The following TTLL5 variants were observed in gnomAD, a reference collection of about 807,000 sequenced individuals.
TTLL5 encodes the protein tubulin tyrosine ligase like 5.
A neutral mutation model predicts 168.4 loss-of-function variants in TTLL5; 132 were observed. That is an observed-to-expected ratio of 0.78 (90% CI 0.68 to 0.91). TTLL5 has a LOEUF of 0.91. Among genes scored for constraint, TTLL5 ranks in the 40% least tolerant of loss-of-function variants. The pLI, the probability that TTLL5 is intolerant of heterozygous loss-of-function variation, is 0.00. For synonymous variants in TTLL5, 546 were observed against 558.6 expected (o/e 0.98, Z 0.32); for missense variants, 1,545 against 1,581.5 (o/e 0.98, Z 0.39).
intron 23 of TTLL5, among the ~76,000 whole-genome samples, chr14:75,777,336 G>A (rs1282850422): frequency 6.6e-6 from 1 of 152,192 alleles, no homozygotes; most frequent in African/African-American, 2.4e-5. Context: ...TACTCATGGA[G>A]TAGAAATGAC....
intron 6 of TTLL5, among the ~76,000 whole-genome samples, chr14:75,693,422 A>G (rs1885598900): frequency 6.6e-6 from 1 of 152,202 alleles, no homozygotes; most frequent in African/African-American, 2.4e-5. Flanking sequence ...TTTTGTTCTA[A>G]TAAGAGACAA....
chr14:75,737,571 A>C, intron 15 of TTLL5: 1 of 1,535,684 alleles, frequency 6.5e-7, no homozygotes, highest in Non-Finnish European at 8.7e-7. Flanking sequence ...TATAGCGTCC[A>C]GTATCTGCAC....
At chr14:75,828,013 G>A (rs1487660351) in intron 28 of TTLL5, among the ~76,000 whole-genome samples, 1 of 151,962 alleles carries the variant, frequency 6.6e-6, no homozygotes, top group Non-Finnish European at 1.5e-5. Context: ...CACTGTGCCC[G>A]ACCTGGCCTG....
chr14:75,730,132 G>A (rs1888439364), intron 12 of TTLL5, among the ~76,000 whole-genome samples: 1 of 152,124 alleles, frequency 6.6e-6, no homozygotes, highest in Non-Finnish European at 1.5e-5. Context: ...ACAATGAAGA[G>A]AATATTCTTT....
At chr14:75,672,370 C>T (rs1007501623) in intron 3 of TTLL5, among the ~76,000 whole-genome samples, 6 of 152,066 alleles carry the variant, frequency 3.9e-5, no homozygotes, top group Non-Finnish European at 7.4e-5. Context: ...CTCAGCCTCC[C>T]GAGTAGCTGG....
In TTLL5 at chr14:75,690,283, C is replaced by G. The variant is rs1266723091; in HGVS notation, c.463C>G (p.Gln155Glu). The G allele has an allele frequency of 1.2e-6, 2 of 1,610,836 alleles. No individual in the cohort carries two copies. The highest frequency in any genetic ancestry group is 2.2e-5 in the East Asian group (1 of 44,770). ...ATTCAAGGCTTTTCACATCCTCCCC[C>G]AGACCTTCCTCCTGCCAGCTGAGTA... ...HGFKAFHILP[Q>E]TFLLPAEYAE... Residue 155 changes from glutamine to glutamate, a missense_variant, in exon 6 of 32, where the codon CAG becomes GAG. Coordinates refer to ENST00000298832, the MANE Select transcript of TTLL5 (RefSeq NM_015072.5).
At chr14:75,814,395 T>C (rs1894256208) in intron 27 of TTLL5, 1 of 152,238 alleles carries the variant, frequency 6.6e-6, no homozygotes, top group African/African-American at 2.4e-5. Flanking sequence ...TTTGTTATGT[T>C]ATTTGGAGAA....
At chr14:75,919,049 A>G (rs900919561) in intron 31 of TTLL5, among the ~76,000 whole-genome samples, 2 of 151,670 alleles carry the variant, frequency 1.3e-5, no homozygotes, top group African/African-American at 4.8e-5. Flanking sequence ...AAAAATACAA[A>G]AATTAGCTGG....
At chr14:75,779,541 T>G (rs1387129995) in intron 23 of TTLL5, 34 bp from the exon 24 acceptor site, 2 of 1,599,868 alleles carry the variant, frequency 1.3e-6, no homozygotes, top group Admixed American at 1.8e-5. Flanking sequence ...CAGAATAGCT[T>G]CCTGTCTGAC....
rs188768259 is a variant in TTLL5, at chr14:75,934,532, T to C, written c.3824-19892T>C. ...GGTTTTCTGGGGGACGAAGAACATT[T>C]TAATGGACTAGATTGAAGAGAAAAG... On this transcript the variant is annotated intron_variant, in intron 31 of 31. Transcript: ENST00000298832. Among the ~76,000 whole-genome samples the C allele has an allele frequency of 4.1e-4, 63 of 152,296 alleles. 1 individual carries two copies. In the South Asian group the frequency reaches 9.5e-3, roughly 23 times the overall value.
At chr14:75,888,374 G>A (rs2032222724) in intron 30 of TTLL5, among the ~76,000 whole-genome samples, 1 of 152,096 alleles carries the variant, frequency 6.6e-6, no homozygotes, top group Non-Finnish European at 1.5e-5. Context: ...CTGCCTCCTG[G>A]GATGTTAAAA....
In TTLL5 at chr14:75,932,604, C is replaced by T. The variant is rs1239815410; in HGVS notation, c.3824-21820C>T. On this transcript the variant is annotated intron_variant, in intron 31 of 31. Transcript: ENST00000298832. ...AGGAAGAAAGATGCAAACAAATACA[C>T]AAGGTGAACTGCTGTGGTAGAAAAA... 2.6e-5 allele frequency among the ~76,000 whole-genome samples: 4 copies of T among 152,226 alleles called. No individual in the cohort carries two copies. In the South Asian group the frequency reaches 6.2e-4, roughly 24 times the overall value.
chr14:75,951,665 G>T lies in TTLL5; in HGVS notation c.3824-2759G>T, dbSNP rs183101053. Among the ~76,000 whole-genome samples the T allele has an allele frequency of 1.5e-3, 235 of 152,294 alleles. 1 individual carries two copies. Among genetic ancestry groups the T allele is most frequent in the African/African-American group, 5.3e-3 (222 of 41,546 alleles). On this transcript the variant is annotated intron_variant, in intron 31 of 31. Coordinates refer to ENST00000298832, the MANE Select transcript of TTLL5 (RefSeq NM_015072.5). ...TGGTCCCAGCTACTCAGGAGGCTGAGGTGGGAGGATTGCCTGAGCCCCTGA... is the reference window on the plus strand; with the variant it reads ...TGGTCCCAGCTACTCAGGAGGCTGATGTGGGAGGATTGCCTGAGCCCCTGA...
chr14:75,862,666 T>A (rs563507943), intron 28 of TTLL5, among the ~76,000 whole-genome samples: 19 of 152,222 alleles, frequency 1.2e-4, no homozygotes, highest in African/African-American at 4.6e-4. Context: ...TGGAGCTGGG[T>A]GCAGTGGCTC....
At chr14:75,802,156 T>C (rs1183000366) in intron 27 of TTLL5, among the ~76,000 whole-genome samples, 1 of 152,176 alleles carries the variant, frequency 6.6e-6, no homozygotes, top group Non-Finnish European at 1.5e-5. Flanking sequence ...ATTCATTCTA[T>C]TGTTTTCTAA....
At chr14:75,848,237 A>T (rs369228068) in intron 28 of TTLL5, among the ~76,000 whole-genome samples, 9 of 151,956 alleles carry the variant, frequency 5.9e-5, no homozygotes, top group African/African-American at 2.2e-4. Context: ...AACTGATGTG[A>T]TGGGGCAGGA....
At chr14:75,869,821 A>ATTTGTTTTTTTTTTTTTTT (rs2030864426) in intron 29 of TTLL5, among the ~76,000 whole-genome samples, 1 of 82,410 alleles carries the variant, frequency 1.2e-5, no homozygotes, top group Non-Finnish European at 2.1e-5. Context: ...TTCAACAAGT[A>ATTTGTTTTTTTTTTTTTTT]TTTTTTTTTT....
intron 31 of TTLL5, among the ~76,000 whole-genome samples, chr14:75,952,513 C>T (rs1168723509): frequency 2.6e-5 from 4 of 152,174 alleles, no homozygotes; most frequent in South Asian, 4.1e-4. Context: ...ATTCCACTTC[C>T]GTATCTATAC....
chr14:75,828,245 C>T (rs924193134), intron 28 of TTLL5, among the ~76,000 whole-genome samples: 2 of 152,084 alleles, frequency 1.3e-5, no homozygotes, highest in African/African-American at 2.4e-5. Flanking sequence ...TTGAGCTGCT[C>T]GAATCTACTT....
Sources: gnomAD v4.1 joint callset for allele counts (sites outside exome capture counted in the v4.1 genomes callset) on GRCh38, gnomAD v4.1.1 for gene constraint, MANE v1.5 for transcripts, NCBI Gene and HGNC (gene_info 2026-07-23, HGNC 2026-07-21) for gene names.